The following RAB8B variants were observed in gnomAD, a reference collection of about 807,000 sequenced individuals.
RAB8B encodes the protein ras-related protein Rab-8B.
RAB8B carries 11 observed loss-of-function variants against 32.0 expected under a neutral mutation model. That is an observed-to-expected ratio of 0.34 (90% CI 0.22 to 0.57). The LOEUF (loss-of-function observed/expected upper bound fraction) is 0.57, where lower values mean the gene tolerates loss of function less well. RAB8B is among the 20% of genes least tolerant of loss of function. The pLI is 0.86. For missense variants in RAB8B, 190 were observed against 258.5 expected, an observed-to-expected ratio of 0.73 and a Z score of 1.82; for synonymous variants, 103 against 89.6, an observed-to-expected ratio of 1.15 and a Z score of -0.85.
Position 63,263,629 on chromosome 15 carries a change from TC to T in RAB8B, c.*11del. On this transcript the variant is annotated 3_prime_UTR_variant, in exon 8 of 8. Coordinates refer to ENST00000321437, the MANE Select transcript of RAB8B (RefSeq NM_016530.3). ...TTGCTCGCTACTTTGATGAACTCTT[TC>T]TGAGAGACTGCAGCACACCTAGAGG... 1 of 1,586,956 alleles carries T rather than the reference TC, an allele frequency of 6.3e-7. No homozygotes were observed. Among genetic ancestry groups the T allele is most frequent in the South Asian group, 1.1e-5 (1 of 90,442 alleles).
intron 1 of RAB8B, among the ~76,000 whole-genome samples, chr15:63,229,375 A>G (rs978551558): frequency 3.3e-5 from 5 of 152,200 alleles, no homozygotes; most frequent in Admixed American, 3.3e-4. Flanking sequence ...TGTGTCAGTC[A>G]TTTGGGGTGA....
chr15:63,192,315 C>T (rs991984417), intron 1 of RAB8B, among the ~76,000 whole-genome samples: 3 of 152,350 alleles, frequency 2.0e-5, no homozygotes, highest in Admixed American at 2.0e-4. Context: ...TCCACAGACT[C>T]TTCACTGATT....
At chr15:63,199,529 A>C (rs533346005) in intron 1 of RAB8B, among the ~76,000 whole-genome samples, 34 of 152,324 alleles carry the variant, frequency 2.2e-4, no homozygotes, top group Middle Eastern at 3.4e-3. Flanking sequence ...GGGAAAAGTG[A>C]AATAATTTCT....
chr15:63,223,058 G>C (rs1309183385), intron 1 of RAB8B: 5 of 455,784 alleles, frequency 1.1e-5, no homozygotes, highest in Non-Finnish European at 1.8e-5. Context: ...TTCCAGTCCT[G>C]TAAGCGCCTT....
chr15:63,216,124 A>AT (rs1317181711), intron 1 of RAB8B, among the ~76,000 whole-genome samples: 1 of 151,554 alleles, frequency 6.6e-6, no homozygotes, highest in Non-Finnish European at 1.5e-5. Context: ...CTTCTCTATA[A>AT]TTTTTCATAT....
In RAB8B at chr15:63,267,256, G is replaced by C. The variant is rs539223760; in HGVS notation, c.*3637G>C. On this transcript the variant is annotated 3_prime_UTR_variant, in exon 8 of 8. Transcript: ENST00000321437. ...AAAATCTAAATGACTGAAATGTACAGAAATAAAAATTAGCAAACAATTATT... is the reference window on the plus strand; with the variant it reads ...AAAATCTAAATGACTGAAATGTACACAAATAAAAATTAGCAAACAATTATT... The C allele has an allele frequency of 6.5e-6, 1 of 152,672 alleles. No individual in the cohort carries two copies. Among genetic ancestry groups the C allele is most frequent in the East Asian group, 1.9e-4 (1 of 5,188 alleles). The allele number at this position is 152,672 out of a possible 1,614,324, so 9.5% of individuals were successfully genotyped here.
intron 1 of RAB8B, among the ~76,000 whole-genome samples, chr15:63,216,135 A>G (rs2141118767): frequency 6.6e-6 from 1 of 151,948 alleles, no homozygotes; most frequent in African/African-American, 2.4e-5. Context: ...TTTTTCATAT[A>G]TATTATCTAC....
chr15:63,217,988 T>C (rs1371358832), intron 1 of RAB8B, among the ~76,000 whole-genome samples: 1 of 152,174 alleles, frequency 6.6e-6, no homozygotes, highest in African/African-American at 2.4e-5. Context: ...AAGCTGCCAT[T>C]TTCTGAAATA....
chr15:63,266,918 T>C lies in RAB8B; in HGVS notation c.*3299T>C, dbSNP rs1030582325. ...CATGACTTAGATTCCTTTACAAATT[T>C]AGTTCTCAATCTTTAAAAACCACAT... On this transcript the variant is annotated 3_prime_UTR_variant, in exon 8 of 8. Coordinates refer to ENST00000321437, the MANE Select transcript of RAB8B (RefSeq NM_016530.3). The C allele has an allele frequency of 3.9e-5, 6 of 152,770 alleles. No individual in the cohort carries two copies. The highest frequency in any genetic ancestry group is 3.3e-4 in the Admixed American group (5 of 15,308). The allele number at this position is 152,770 out of a possible 1,614,324, so 9.5% of individuals were successfully genotyped here. A position where few individuals can be genotyped will look rare whatever the true frequency, so the allele number is the denominator to read the frequency against.
At chr15:63,235,533 A>G (rs1365258748) in intron 1 of RAB8B, among the ~76,000 whole-genome samples, 1 of 151,868 alleles carries the variant, frequency 6.6e-6, no homozygotes. Flanking sequence ...ATAATAAATT[A>G]TAGAGTCAAA....
chr15:63,238,504 G>T (rs1275036524), intron 1 of RAB8B, among the ~76,000 whole-genome samples: 1 of 152,164 alleles, frequency 6.6e-6, no homozygotes, highest in Non-Finnish European at 1.5e-5. Context: ...TGCCTTCAGA[G>T]AAGTACTACA....
rs1595753200 is a variant in RAB8B at position 63,263,719 on chromosome 15, GCTGAGAGCACCACTGAACTTAGA to G, written c.*102_*124del. 1 of 924,116 alleles carries G rather than the reference GCTGAGAGCACCACTGAACTTAGA, an allele frequency of 1.1e-6. No individual in the cohort carries two copies. Among genetic ancestry groups the G allele is most frequent in the East Asian group, 2.6e-5 (1 of 38,672 alleles). The allele number at this position is 924,116 out of a possible 1,614,324, so 57.2% of individuals were successfully genotyped here. A position where few individuals can be genotyped will look rare whatever the true frequency, so the allele number is the denominator to read the frequency against. ...CTCAGAATCACACCTCCCGGCTGCT[GCTGAGAGCACCACTGAACTTAGA>G]CCTCTCAACACAGTATGCCAAGTGG... On this transcript the variant is annotated 3_prime_UTR_variant, in exon 8 of 8. Transcript: ENST00000321437.
chr15:63,233,586 C>T (rs538209465), intron 1 of RAB8B, among the ~76,000 whole-genome samples: 5 of 152,204 alleles, frequency 3.3e-5, no homozygotes, highest in Admixed American at 3.3e-4. Context: ...ATTTGATTGT[C>T]AAAGAAAGTT....
chr15:63,202,195 G>A (rs189790733), intron 1 of RAB8B, among the ~76,000 whole-genome samples: 51 of 150,990 alleles, frequency 3.4e-4, no homozygotes, highest in South Asian at 1.7e-3. Flanking sequence ...GGAGAATGGC[G>A]TGAACCCGGG....
At chr15:63,245,496 C>T (rs976522997) in intron 2 of RAB8B, among the ~76,000 whole-genome samples, 1 of 152,228 alleles carries the variant, frequency 6.6e-6, no homozygotes, top group African/African-American at 2.4e-5. Flanking sequence ...AGGTAATTCT[C>T]CAGCAGATGC....
intron 1 of RAB8B, among the ~76,000 whole-genome samples, chr15:63,202,289 A>AG (rs529160460): frequency 0.63 from 94,236 of 148,976 alleles, 30,430 homozygotes; most frequent in East Asian, 0.98. Context: ...AAAAGAAAAA[A>AG]GAAAAAAAAG....
rs372149982 is a variant in RAB8B, at chr15:63,230,301, T to TTTG, written c.125-14442_125-14440dup. 7.2e-3 allele frequency among the ~76,000 whole-genome samples: 1,089 copies of TTTG among 152,198 alleles called. 11 individuals are homozygous for TTTG. Among genetic ancestry groups the TTTG allele is most frequent in the African/African-American group, 0.024 (1,010 of 41,522 alleles). On this transcript the variant is annotated intron_variant, in intron 1 of 7. Transcript: ENST00000321437. ...GTTTATTTTATAATCTCTTACCACT[T>TTTG]TTGTTGTTGTTGTTGCTGAGACAGA...
At chr15:63,213,287 G>C (rs1434957673) in intron 1 of RAB8B, among the ~76,000 whole-genome samples, 1 of 152,128 alleles carries the variant, frequency 6.6e-6, no homozygotes, top group African/African-American at 2.4e-5. Flanking sequence ...TACTATTTCA[G>C]GTGGATATGT....
At chr15:63,238,668 T>C (rs1227906734) in intron 1 of RAB8B, among the ~76,000 whole-genome samples, 1 of 152,206 alleles carries the variant, frequency 6.6e-6, no homozygotes, top group Admixed American at 6.5e-5. Context: ...ATATAATAGG[T>C]ATATAATATA....
Sources: allele counts gnomAD v4.1 joint callset (sites outside exome capture counted in the v4.1 genomes callset), GRCh38; gene constraint gnomAD v4.1.1; transcripts MANE v1.5; gene names NCBI Gene and HGNC (gene_info 2026-07-23, HGNC 2026-07-21).